The following AGMO variants were observed in gnomAD, a reference collection of about 807,000 sequenced individuals.
The protein encoded by AGMO is alkylglycerol monooxygenase.
In AGMO, 75 loss-of-function variants were observed where a neutral mutation model predicts 60.2. The ratio of observed to expected loss-of-function variants is 1.25; its 90% CI spans 1.03 to 1.51. AGMO has a LOEUF of 1.51. Ranked by LOEUF, AGMO falls within the 40% of genes most tolerant of loss-of-function variation. The probability of loss-of-function intolerance (pLI) is 0.00; values close to 1 mark genes in which losing one functional copy is unlikely to be tolerated. For missense variants in AGMO, 763 were observed against 525.5 expected (o/e 1.45, Z -4.42); for synonymous variants, 261 against 177.1 (o/e 1.47, Z -3.76).
chr7:15,527,640 T>C (rs1283051307), intron 3 of AGMO, among the ~76,000 whole-genome samples: 8 of 152,220 alleles, frequency 5.3e-5, no homozygotes, highest in East Asian at 1.9e-4. Flanking sequence ...TAGATTTTCA[T>C]TGTAGACTAA....
At chr7:15,328,088 C>T (rs935924897) in intron 12 of AGMO, among the ~76,000 whole-genome samples, 2 of 151,224 alleles carry the variant, frequency 1.3e-5, no homozygotes, top group East Asian at 2.0e-4. Flanking sequence ...TACACTGAGT[C>T]CTTCCTTCCT....
At chr7:15,163,726 T>A in the AGMO span, among the ~76,000 whole-genome samples, 1 of 152,100 alleles carries the variant, frequency 6.6e-6, no homozygotes, top group Non-Finnish European at 1.5e-5. Flanking sequence ...TTTGCTAGTA[T>A]TCTGTTAAAA....
chr7:15,190,121 A>T, the AGMO span, among the ~76,000 whole-genome samples: 1 of 1,512 alleles, frequency 6.6e-4, no homozygotes, highest in Non-Finnish European at 1.3e-3. Context: ...ATATATATAT[A>T]TATATTTATA....
chr7:15,316,284 C>G (rs1017370962), intron 12 of AGMO, among the ~76,000 whole-genome samples: 14 of 152,172 alleles, frequency 9.2e-5, no homozygotes, highest in African/African-American at 3.4e-4. Context: ...GCAGGTTCCT[C>G]TCCCACCCCA....
intron 12 of AGMO, among the ~76,000 whole-genome samples, chr7:15,207,328 T>C (rs1023642761): frequency 1.3e-5 from 2 of 152,220 alleles, no homozygotes; most frequent in Non-Finnish European, 2.9e-5. Context: ...ATTTTTAATC[T>C]TTGATTTGGA....
Position 15,358,264 on chromosome 7 carries a change from G to C in AGMO, c.1263+7250C>G, listed in dbSNP as rs547627661. 9 of 349,354 alleles carry C rather than the reference G, an allele frequency of 2.6e-5. No individual in the cohort carries two copies. In the East Asian group the frequency reaches 7.8e-4, roughly 30 times the overall value. 21.6% of individuals were successfully genotyped at this position (349,354 alleles called of 1,614,324 possible). On this transcript the variant is annotated intron_variant, in intron 12 of 12. Transcript: ENST00000342526. ...TGAATAGATCAATAAAAATTGAAGAGTCTTAAGGTTGCTGCTTTGAGTATT... is the reference window on the plus strand; with the variant it reads ...TGAATAGATCAATAAAAATTGAAGACTCTTAAGGTTGCTGCTTTGAGTATT...
At chr7:15,553,856 T>G (rs1785049735) in intron 2 of AGMO, among the ~76,000 whole-genome samples, 1 of 152,106 alleles carries the variant, frequency 6.6e-6, no homozygotes, top group Non-Finnish European at 1.5e-5. Context: ...CAAATCGAGC[T>G]GAAATATGCC....
At chr7:15,256,835 T>A (rs1309644885) in intron 12 of AGMO, among the ~76,000 whole-genome samples, 5 of 152,222 alleles carry the variant, frequency 3.3e-5, no homozygotes. Flanking sequence ...CTGTACACTC[T>A]ATGATGTTCA....
intron 12 of AGMO, among the ~76,000 whole-genome samples, chr7:15,209,942 G>T (rs1354414684): frequency 6.6e-6 from 1 of 151,944 alleles, no homozygotes; most frequent in Non-Finnish European, 1.5e-5. Context: ...AACATTCAAA[G>T]AATATATTTT....
At position 15,445,178 on chromosome 7, in the gene AGMO, G is replaced by A. The variant is rs192848642; in HGVS notation, c.410-14070C>T. 3.6e-3 allele frequency among the ~76,000 whole-genome samples: 546 copies of A among 152,162 alleles called. 15 individuals are homozygous for A. Among genetic ancestry groups the A allele is most frequent in the Admixed American group, 0.034 (518 of 15,274 alleles). ...TACTAACAAACAATTGTATATTTAA[G>A]AAAACTATGAAGAGAAATGTGAAAA... On this transcript the variant is annotated intron_variant, in intron 3 of 12. Coordinates refer to ENST00000342526, the MANE Select transcript of AGMO (RefSeq NM_001004320.2).
At chr7:15,145,203 G>C in the AGMO span, among the ~76,000 whole-genome samples, 1 of 152,002 alleles carries the variant, frequency 6.6e-6, no homozygotes, top group African/African-American at 2.4e-5. Context: ...AAAAGATGAG[G>C]TAAAATAGTA....
At chr7:15,522,144 G>C (rs889517329) in intron 3 of AGMO, among the ~76,000 whole-genome samples, 8 of 152,142 alleles carry the variant, frequency 5.3e-5, no homozygotes, top group Non-Finnish European at 8.8e-5. Context: ...ACTTACAAGA[G>C]ATGTAAAGGA....
intron 3 of AGMO, among the ~76,000 whole-genome samples, chr7:15,437,608 C>T (rs1041308818): frequency 6.7e-6 from 1 of 149,758 alleles, no homozygotes; most frequent in Non-Finnish European, 1.5e-5. Context: ...GATCTCCCCT[C>T]ACTGCAAGCT....
chr7:15,139,162 C>T, the AGMO span, among the ~76,000 whole-genome samples: 1 of 152,164 alleles, frequency 6.6e-6, no homozygotes, highest in African/African-American at 2.4e-5. Flanking sequence ...CTCCAGGTAA[C>T]ATATACTTCT....
At chr7:15,242,572 G>T (rs773655789) in intron 12 of AGMO, among the ~76,000 whole-genome samples, 24 of 152,180 alleles carry the variant, frequency 1.6e-4, no homozygotes, top group Non-Finnish European at 3.1e-4. Flanking sequence ...GGGCATATTG[G>T]TCCCAGAAAC....
intron 9 of AGMO, among the ~76,000 whole-genome samples, chr7:15,385,794 T>C (rs1783887427): frequency 1.3e-5 from 2 of 152,168 alleles, no homozygotes; most frequent in Non-Finnish European, 2.9e-5. Context: ...CAACAATATG[T>C]GCAAATAATA....
intron 3 of AGMO, among the ~76,000 whole-genome samples, chr7:15,490,900 G>C (rs1192545834): frequency 2.6e-5 from 4 of 152,170 alleles, no homozygotes; most frequent in South Asian, 2.1e-4. Flanking sequence ...CTTGAAAGCA[G>C]TTAGTAATAA....
chr7:15,157,263 T>C, the AGMO span, among the ~76,000 whole-genome samples: 1 of 152,098 alleles, frequency 6.6e-6, no homozygotes, highest in Non-Finnish European at 1.5e-5. Flanking sequence ...CCATGAGGCT[T>C]AGGAGGGTAA....
Position 15,468,154 on chromosome 7 carries a change from G to T in AGMO, c.410-37046C>A, listed in dbSNP as rs116825454. Among the ~76,000 whole-genome samples the T allele has an allele frequency of 4.5e-3, 679 of 152,258 alleles. 1 individual carries two copies. The highest frequency in any genetic ancestry group is 0.015 in the African/African-American group (623 of 41,550). ...CCTCAAGAAGATACTGAATTTAAAT[G>T]CTGGCTTTAGTTGCTAATCCAAAAT... On this transcript the variant is annotated intron_variant, in intron 3 of 12. Transcript: ENST00000342526.
Sources: allele counts gnomAD v4.1 joint callset (sites outside exome capture counted in the v4.1 genomes callset), GRCh38; gene constraint gnomAD v4.1.1; transcripts MANE v1.5; gene names NCBI Gene and HGNC (gene_info 2026-07-23, HGNC 2026-07-21).